Variants in EMILIN2 observed in about 807,000 individuals in gnomAD.
EMILIN2 encodes EMILIN-2.
A neutral mutation model predicts 87.1 loss-of-function variants in EMILIN2; 71 were observed. That is an observed-to-expected ratio of 0.82 (90% confidence interval 0.67 to 0.99). The LOEUF is 0.99. EMILIN2 is among the 50% of genes least tolerant of loss of function. The probability of loss-of-function intolerance (pLI) is 0.00; values close to 1 mark genes in which losing one functional copy is unlikely to be tolerated. For missense variants in EMILIN2, 1,407 were observed against 1,371.8 expected (o/e 1.03, Z -0.40); for synonymous variants, 581 against 563.4 (o/e 1.03, Z -0.44).
rs946902713 is a variant in EMILIN2 at position 2,848,925 on chromosome 18, G to C, written c.257+994G>C. Among the ~76,000 whole-genome samples, 5 of 152,204 alleles carry C rather than the reference G, an allele frequency of 3.3e-5. No homozygotes were observed. The highest frequency in any genetic ancestry group is 6.5e-5 in the Admixed American group (1 of 15,276). On this transcript the variant is annotated intron_variant, in intron 2 of 7. Coordinates refer to ENST00000254528, the MANE Select transcript of EMILIN2 (RefSeq NM_032048.3). This position sits in a 1 kb window ranked among gnomAD's most constrained non-coding sequence, Gnocchi z 4.1. ...CCAGAGAACAGTAGATGAGCCTGTA[G>C]TCTTATGGGAAGTGGTCGCTGGGTC...
intron 4 of EMILIN2, among the ~76,000 whole-genome samples, chr18:2,897,071 A>AT (rs1255088112): frequency 2.0e-5 from 3 of 152,316 alleles, no homozygotes; most frequent in Admixed American, 6.5e-5. Flanking sequence ...AAAACCCAGA[A>AT]TAGTGGTATG....
Position 2,880,104 on chromosome 18 carries a change from G to C in EMILIN2, c.258-4860G>C, listed in dbSNP as rs920187220. On this transcript the variant is annotated intron_variant, in intron 2 of 7. Transcript: ENST00000254528. This position sits in a 1 kb window ranked among gnomAD's most constrained non-coding sequence, Gnocchi z 4.1. ...ACAGTCTGGCAGGGAGGACAAACACGGAGTAAGCAAACACAAGTGTGAACT... is the reference window on the plus strand; with the variant it reads ...ACAGTCTGGCAGGGAGGACAAACACCGAGTAAGCAAACACAAGTGTGAACT... Among the ~76,000 whole-genome samples, 1 of 152,156 alleles carries C rather than the reference G, an allele frequency of 6.6e-6. No homozygotes were observed. Among genetic ancestry groups the C allele is most frequent in the Non-Finnish European group, 1.5e-5 (1 of 68,022 alleles).
chr18:2,903,056 C>A (rs558253319), intron 4 of EMILIN2, among the ~76,000 whole-genome samples: 1 of 151,976 alleles, frequency 6.6e-6, no homozygotes, highest in African/African-American at 2.4e-5. Context: ...CTGTTTTCCC[C>A]TGAGTTTTAG....
chr18:2,908,186 G>A (rs941053904), intron 5 of EMILIN2, among the ~76,000 whole-genome samples: 9 of 152,170 alleles, frequency 5.9e-5, no homozygotes, highest in Non-Finnish European at 1.0e-4. Context: ...TGGATGCTTA[G>A]GCTCTCTTGG....
At chr18:2,859,184 G>T (rs1384192448) in intron 2 of EMILIN2, among the ~76,000 whole-genome samples, 1 of 152,090 alleles carries the variant, frequency 6.6e-6, no homozygotes, top group Non-Finnish European at 1.5e-5. Context: ...GTTCCCATCA[G>T]CAGTGTAGAA....
chr18:2,891,050 T>C lies in EMILIN2; in HGVS notation c.923T>C (p.Met308Thr). ...QEAAQGPTVT[M>T]TTNELYQAYV... is the part of the protein sequence containing the mutation. Reference sequence around the variant, plus strand: ...GCAGCTCAGGGCCCGACGGTGACCATGACAACCAACGAACTCTACCAAGCC... The same window carrying C: ...GCAGCTCAGGGCCCGACGGTGACCACGACAACCAACGAACTCTACCAAGCC... The change falls in exon 4 of 8, where the codon ATG (methionine) becomes ACG (threonine). Residue 308 changes from methionine (M) to threonine (T), a missense_variant. Met to Thr is a moderately conservative substitution (Grantham distance 81). Transcript: ENST00000254528. The surrounding 1 kb of genome is among the most constrained non-coding windows in gnomAD (Gnocchi z 4.6). 6.2e-7 allele frequency: 1 copy of C among 1,614,162 alleles called. No individual in the cohort carries two copies. Among genetic ancestry groups the C allele is most frequent in the Non-Finnish European group, 8.5e-7 (1 of 1,180,044 alleles).
chr18:2,874,317 G>A (rs1365594653), intron 2 of EMILIN2, among the ~76,000 whole-genome samples: 1 of 152,100 alleles, frequency 6.6e-6, no homozygotes, highest in Non-Finnish European at 1.5e-5. Context: ...AGCCTCCTGA[G>A]TGGCTAGGAC....
intron 4 of EMILIN2, among the ~76,000 whole-genome samples, chr18:2,896,380 TAGTC>T (rs2076863872): frequency 1.3e-5 from 2 of 152,046 alleles, no homozygotes; most frequent in Admixed American, 1.3e-4. Context: ...TTCACCATGT[TAGTC>T]AGGCTGGTCT....
At chr18:2,861,079 G>T (rs1345203429) in intron 2 of EMILIN2, among the ~76,000 whole-genome samples, 1 of 151,582 alleles carries the variant, frequency 6.6e-6, no homozygotes, top group Non-Finnish European at 1.5e-5. Flanking sequence ...TTTTTGATGG[G>T]GTTTTTTGTT....
chr18:2,878,214 G>A (rs888328616), intron 2 of EMILIN2, among the ~76,000 whole-genome samples: 1 of 152,222 alleles, frequency 6.6e-6, no homozygotes. Context: ...AGGTGGCCGG[G>A]TGTGGTGGCT....
At chr18:2,851,993 C>T (rs939826765) in intron 2 of EMILIN2, among the ~76,000 whole-genome samples, 11 of 152,178 alleles carry the variant, frequency 7.2e-5, no homozygotes, top group Admixed American at 1.3e-4. Context: ...CAGGGCTTTG[C>T]GGACTGCCCT....
chr18:2,913,000 C>T (rs2076948486), intron 7 of EMILIN2, 67 bp from the exon 8 acceptor site: 1 of 1,536,702 alleles, frequency 6.5e-7, no homozygotes, highest in South Asian at 1.1e-5. Flanking sequence ...ACTGGGGGGC[C>T]ACTTACTACC....
intron 3 of EMILIN2, among the ~76,000 whole-genome samples, chr18:2,888,583 T>G (rs183418971): frequency 6.6e-6 from 1 of 151,466 alleles, no homozygotes; most frequent in Non-Finnish European, 1.5e-5. Context: ...GGCATGGTGG[T>G]GGGCACCTGT....
intron 3 of EMILIN2, among the ~76,000 whole-genome samples, chr18:2,887,220 C>T (rs188558049): frequency 6.6e-5 from 10 of 152,272 alleles, no homozygotes; most frequent in Non-Finnish European, 2.9e-5. Context: ...AACACCAAAA[C>T]TTTTCTGACT....
At position 2,892,268 on chromosome 18, in the gene EMILIN2, G is replaced by A. The variant is rs763453366; in HGVS notation, c.2141G>A (p.Ser714Asn). 3.7e-6 allele frequency: 6 copies of A among 1,613,884 alleles called. No individual in the cohort carries two copies. The Admixed American group carries it at 1.0e-4, about 27-fold the overall frequency. Residue 714 changes from serine (S) to asparagine (N), a missense_variant, in exon 4 of 8, where the codon AGC becomes AAC. Ser to Asn is a conservative substitution (Grantham distance 46). Transcript: ENST00000254528. Reference protein sequence around the residue: ...GRVSHMEKTCSKLDSISGNLQ... With the variant: ...GRVSHMEKTCNKLDSISGNLQ... ...GTGTCTCATATGGAGAAAACTTGCAGCAAGCTGGACTCTATCTCAGGAAAT... is the reference window on the plus strand; with the variant it reads ...GTGTCTCATATGGAGAAAACTTGCAACAAGCTGGACTCTATCTCAGGAAAT...
chr18:2,892,630 T>C, intron 4 of EMILIN2, 144 bp downstream of exon 4: 2 of 1,199,448 alleles, frequency 1.7e-6, no homozygotes. Context: ...TTTGGACAGT[T>C]CACGGAATGA....
upstream of EMILIN2, chr18:2,846,763 C>G (rs1019269886): frequency 3.0e-6 from 3 of 985,272 alleles, no homozygotes. This position sits in a 1 kb window ranked among gnomAD's most constrained non-coding sequence, Gnocchi z 5.3. Context: ...CGGAGTCGCT[C>G]GGCATCTGGG....
At chr18:2,849,576 G>A (rs140750035) in intron 2 of EMILIN2, among the ~76,000 whole-genome samples, 5 of 152,300 alleles carry the variant, frequency 3.3e-5, no homozygotes, top group Non-Finnish European at 5.9e-5. Flanking sequence ...TCAATGCAAG[G>A]CAGTGGGAGT....
intron 2 of EMILIN2, among the ~76,000 whole-genome samples, chr18:2,857,530 G>T (rs2076633922): frequency 6.6e-6 from 1 of 152,168 alleles, no homozygotes; most frequent in Non-Finnish European, 1.5e-5. Flanking sequence ...TCTGCTAACT[G>T]AAGCTTTTGC....
Sources: gnomAD v4.1 joint callset for allele counts (sites outside exome capture counted in the v4.1 genomes callset) on GRCh38, gnomAD v4.1.1 for gene constraint, Gnocchi (gnomAD v3.1) non-coding constraint, MANE v1.5 for transcripts, NCBI Gene and HGNC (gene_info 2026-07-23, HGNC 2026-07-21) for gene names.